PLA2R1: variants seen among roughly 807,000 people sequenced by gnomAD.
PLA2R1 encodes the protein phospholipase A2 receptor 1.
PLA2R1 carries 158 observed loss-of-function variants against 195.9 expected under a neutral mutation model. The observed-to-expected ratio is 0.81, with a 90% CI of 0.71 to 0.92. The LOEUF (loss-of-function observed/expected upper bound fraction) is 0.92, where lower values mean the gene tolerates loss of function less well. Ranked by LOEUF, PLA2R1 falls within the 40% of genes least tolerant of loss-of-function variation. PLA2R1 has a pLI of 0.00. For synonymous variants in PLA2R1, 586 were observed against 598.2 expected, an observed-to-expected ratio of 0.98 and a Z score of 0.30; for missense variants, 1,626 against 1,764.6, an observed-to-expected ratio of 0.92 and a Z score of 1.41.
intron 23 of PLA2R1, among the ~76,000 whole-genome samples, chr2:159,953,947 C>T (rs1687924676): frequency 6.6e-6 from 1 of 152,184 alleles, no homozygotes; most frequent in South Asian, 2.1e-4. Flanking sequence ...GATTCTCATG[C>T]CTCAGCCTCC....
At chr2:160,027,478 A>C (rs1439482689) in intron 6 of PLA2R1, among the ~76,000 whole-genome samples, 1 of 152,238 alleles carries the variant, frequency 6.6e-6, no homozygotes, top group Non-Finnish European at 1.5e-5. Flanking sequence ...CATATTCTAC[A>C]AAACTTCTAG....
At chr2:159,927,443 C>T (rs1686519759), downstream of PLA2R1, among the ~76,000 whole-genome samples, 1 of 152,042 alleles carries the variant, frequency 6.6e-6, no homozygotes, top group Non-Finnish European at 1.5e-5. Context: ...CTATCTAGGG[C>T]CATAGGGGGA....
intron 10 of PLA2R1, among the ~76,000 whole-genome samples, chr2:160,007,275 T>C (rs1054098013): frequency 1.3e-5 from 2 of 152,060 alleles, no homozygotes; most frequent in African/African-American, 4.8e-5. Flanking sequence ...TGAGGCAGAG[T>C]AGTAATACCG....
At chr2:159,947,317 T>TAAAG in intron 26 of PLA2R1, 102 bp downstream of exon 26, 1 of 1,031,768 alleles carries the variant, frequency 9.7e-7, no homozygotes, top group Non-Finnish European at 1.4e-6. Context: ...TTGTTGCTCC[T>TAAAG]AAAGTCACTA....
At chr2:160,041,243 G>A (rs772254994) in intron 3 of PLA2R1, among the ~76,000 whole-genome samples, 12 of 152,138 alleles carry the variant, frequency 7.9e-5, no homozygotes, top group Non-Finnish European at 1.5e-4. Flanking sequence ...GGCAGGCATG[G>A]GAGATGAAGA....
intron 4 of PLA2R1, among the ~76,000 whole-genome samples, chr2:160,031,954 A>G (rs1319849530): frequency 2.0e-5 from 3 of 152,116 alleles, no homozygotes; most frequent in African/African-American, 4.8e-5. Context: ...TTTAGTAGAG[A>G]GAGGATTTCG....
intron 11 of PLA2R1, among the ~76,000 whole-genome samples, chr2:160,004,968 C>T (rs957136508): frequency 1.3e-5 from 2 of 152,146 alleles, no homozygotes; most frequent in Admixed American, 6.5e-5. Flanking sequence ...GCCCATCCAC[C>T]GTACTTTGAA....
chr2:159,968,200 C>A (rs529925855), intron 19 of PLA2R1, among the ~76,000 whole-genome samples: 22 of 151,320 alleles, frequency 1.5e-4, no homozygotes, highest in Non-Finnish European at 2.7e-4. Context: ...TAAGAAATAT[C>A]CTCAAATCCT....
intron 17 of PLA2R1, among the ~76,000 whole-genome samples, chr2:159,972,238 T>A (rs1574704149): frequency 6.6e-6 from 1 of 152,212 alleles, no homozygotes; most frequent in Non-Finnish European, 1.5e-5. Flanking sequence ...CTGAACTTCA[T>A]AGGAGATGCT....
chr2:160,022,272 T>G (rs3792185), intron 7 of PLA2R1, among the ~76,000 whole-genome samples: 107,350 of 151,732 alleles, frequency 0.71, 38,709 homozygotes, highest in East Asian at 0.87. Flanking sequence ...GTTCACTGGC[T>G]AAAATTGTTT....
intron 4 of PLA2R1, among the ~76,000 whole-genome samples, chr2:160,032,563 T>C (rs1436698428): frequency 6.6e-6 from 1 of 152,246 alleles, no homozygotes; most frequent in East Asian, 1.9e-4. Context: ...TACCTGCACA[T>C]GGTGAATGAT....
chr2:160,015,301 T>C (rs1009432072), intron 9 of PLA2R1, among the ~76,000 whole-genome samples: 2 of 152,224 alleles, frequency 1.3e-5, no homozygotes, highest in African/African-American at 4.8e-5. Flanking sequence ...ATTTTACAAA[T>C]TGATTTTTCA....
In PLA2R1 at chr2:160,020,804, C is replaced by G. The variant is rs939934186; in HGVS notation, c.1295-541G>C. Reference sequence around the variant, plus strand: ...AAATTTCTTTTATTTATAAATTACTCAGTTTCTTTGTATTCTACTATAATC... The same window carrying G: ...AAATTTCTTTTATTTATAAATTACTGAGTTTCTTTGTATTCTACTATAATC... On this transcript the variant is annotated intron_variant, in intron 7 of 29. Transcript: ENST00000283243. Among the ~76,000 whole-genome samples the G allele has an allele frequency of 3.9e-5, 6 of 152,288 alleles. No homozygotes were observed. The South Asian group carries it at 1.0e-3, about 26-fold the overall frequency.
intron 24 of PLA2R1, among the ~76,000 whole-genome samples, chr2:159,950,591 T>C (rs1687671051): frequency 6.6e-6 from 1 of 152,250 alleles, no homozygotes; most frequent in Non-Finnish European, 1.5e-5. Context: ...GAGATTTTTA[T>C]GTGCTGACAT....
intron 4 of PLA2R1, 47 bp from the exon 5 acceptor site, chr2:160,029,010 C>T (rs757945672): frequency 2.0e-6 from 2 of 1,015,414 alleles, no homozygotes; most frequent in Admixed American, 3.6e-5. Flanking sequence ...CAGTGTTACA[C>T]ATCTTTCTTG....
In PLA2R1 at chr2:159,939,120, G is replaced by A. The variant is rs1158734032; in HGVS notation, c.*2658C>T. On this transcript the variant is annotated 3_prime_UTR_variant, in exon 30 of 30. Coordinates refer to ENST00000283243, the MANE Select transcript of PLA2R1 (RefSeq NM_007366.5). ...AATACAGTATGTAGTGGTAAAGTCT[G>A]GTGTAACCATCACGCAAATAGTGTA... 1 of 152,128 alleles carries A rather than the reference G, an allele frequency of 6.6e-6. No homozygotes were observed. Among genetic ancestry groups the A allele is most frequent in the Non-Finnish European group, 1.5e-5 (1 of 68,034 alleles). The allele number at this position is 152,128 out of a possible 1,614,324, so 9.4% of individuals were successfully genotyped here.
Position 160,016,670 on chromosome 2 carries a change from A to G in PLA2R1, c.1495T>C (p.Tyr499His), listed in dbSNP as rs764387022. 2 of 1,609,234 alleles carry G rather than the reference A, an allele frequency of 1.2e-6. No individual in the cohort carries two copies. The highest frequency in any genetic ancestry group is 1.1e-5 in the South Asian group (1 of 90,974). Residue 499 changes from tyrosine to histidine, a missense_variant, in exon 9 of 30, where the codon TAC becomes CAC. Physicochemically the swap from Tyr to His is moderately conservative, Grantham distance 83. Coordinates refer to ENST00000283243, the MANE Select transcript of PLA2R1 (RefSeq NM_007366.5). ...KVKNCEERLF[Y>H]ICKKAGHVLS... ...ACATGGCCTGCTTTTTTACAAATGT[A>G]AAAAAGTCTTTCTTCACAATTTTTG...
At chr2:159,945,745 A>G in intron 27 of PLA2R1, 2 of 971,072 alleles carry the variant, frequency 2.1e-6, no homozygotes, top group Non-Finnish European at 2.4e-6. Flanking sequence ...GAATTTAATG[A>G]GACTCTTGAA....
At chr2:159,931,378 T>A (rs1686582214), downstream of PLA2R1, among the ~76,000 whole-genome samples, 2 of 152,070 alleles carry the variant, frequency 1.3e-5, no homozygotes, top group Admixed American at 6.6e-5. Flanking sequence ...AAAGTTTTTT[T>A]AAATAATAAG....
Sources: allele counts gnomAD v4.1 joint callset (sites outside exome capture counted in the v4.1 genomes callset), GRCh38; gene constraint gnomAD v4.1.1; transcripts MANE v1.5; gene names NCBI Gene and HGNC (gene_info 2026-07-23, HGNC 2026-07-21).